PRKN: variants seen among roughly 807,000 people sequenced by gnomAD.
PRKN encodes E3 ubiquitin-protein ligase parkin.
A neutral mutation model predicts 59.5 loss-of-function variants in PRKN; 56 were observed. The ratio of observed to expected loss-of-function variants is 0.94; its 90% CI spans 0.76 to 1.18. The LOEUF is 1.18. Ranked by LOEUF, PRKN falls within the 50% of genes most tolerant of loss-of-function variation. The pLI, the probability that PRKN is intolerant of heterozygous loss-of-function variation, is 0.00. For synonymous variants in PRKN, 250 were observed against 222.1 expected (o/e 1.13, Z -1.12); for missense variants, 657 against 596.4 (o/e 1.10, Z -1.06).
At chr6:162,120,722 C>T (rs1026612155) in intron 4 of PRKN, among the ~76,000 whole-genome samples, 8 of 152,096 alleles carry the variant, frequency 5.3e-5, no homozygotes, top group African/African-American at 1.9e-4. Context: ...CTGGTGTGAG[C>T]GATATTAAAC....
rs1790033889 is a variant in PRKN, at chr6:161,457,703, A to G, written c.1084-70826T>C. On this transcript the variant is annotated intron_variant, in intron 9 of 11. Coordinates refer to ENST00000366898, the MANE Select transcript of PRKN (RefSeq NM_004562.3). This position sits in a 1 kb window ranked among gnomAD's most constrained non-coding sequence, Gnocchi z 5.0. ...AATATGAAAATCTACTGTTAGGTAC[A>G]AACGTGTCTCTAGAGAAGAGACTGG... Among the ~76,000 whole-genome samples, 1 of 152,250 alleles carries G rather than the reference A, an allele frequency of 6.6e-6. No individual in the cohort carries two copies. Among genetic ancestry groups the G allele is most frequent in the Non-Finnish European group, 1.5e-5 (1 of 68,042 alleles).
intron 1 of PRKN, among the ~76,000 whole-genome samples, chr6:162,519,711 A>C (rs1213141457): frequency 6.6e-6 from 1 of 152,128 alleles, no homozygotes; most frequent in Admixed American, 6.6e-5. Context: ...GTCCAAATGC[A>C]TTTATTTTTA....
intron 9 of PRKN, among the ~76,000 whole-genome samples, chr6:161,479,584 CATTAACTTTCTGAGCAT>C (rs1791291994): frequency 6.6e-6 from 1 of 152,194 alleles, no homozygotes; most frequent in Non-Finnish European, 1.5e-5. Context: ...GACGCTGCAA[CATTAACTTTCTGAGCAT>C]ATGCTCTGTC....
intron 3 of PRKN, among the ~76,000 whole-genome samples, chr6:162,246,886 A>C (rs907048112): frequency 6.6e-6 from 1 of 152,182 alleles, no homozygotes; most frequent in Non-Finnish European, 1.5e-5. Context: ...AGGTTCTTAT[A>C]TCTTTATATA....
intron 1 of PRKN, among the ~76,000 whole-genome samples, chr6:162,501,276 C>T (rs113517677): frequency 3.4e-4 from 52 of 151,980 alleles, no homozygotes; most frequent in African/African-American, 1.2e-3. Flanking sequence ...GTAAATATAG[C>T]AGTCTTTTCA....
intron 5 of PRKN, among the ~76,000 whole-genome samples, chr6:161,996,984 G>A (rs1781871893): frequency 6.6e-6 from 1 of 152,036 alleles, no homozygotes; most frequent in South Asian, 2.1e-4. Context: ...CAACTGAAAT[G>A]ACCCATAAAT....
chr6:162,391,587 G>A (rs913928623), intron 2 of PRKN, among the ~76,000 whole-genome samples: 1 of 151,784 alleles, frequency 6.6e-6, no homozygotes, highest in Admixed American at 6.6e-5. Context: ...TGCTTGACGT[G>A]GATTTCGAAC....
At chr6:162,603,234 AAAC>A (rs1290045534) in intron 1 of PRKN, among the ~76,000 whole-genome samples, 5 of 152,176 alleles carry the variant, frequency 3.3e-5, no homozygotes, top group Admixed American at 2.0e-4. Flanking sequence ...AACAACTAAA[AAAC>A]AACAGTCTGC....
rs146267956 is a variant in PRKN at position 161,458,047 on chromosome 6, A to C, written c.1084-71170T>G. ...TCAAAACTCTGGAAAGAAAAATAGAATATCCTAGCTGTTATGGGAATACTT... is the reference window on the plus strand; with the variant it reads ...TCAAAACTCTGGAAAGAAAAATAGACTATCCTAGCTGTTATGGGAATACTT... On this transcript the variant is annotated intron_variant, in intron 9 of 11. Coordinates refer to ENST00000366898, the MANE Select transcript of PRKN (RefSeq NM_004562.3). This position sits in a 1 kb window ranked among gnomAD's most constrained non-coding sequence, Gnocchi z 6.1. Among the ~76,000 whole-genome samples the C allele has an allele frequency of 2.0e-4, 30 of 152,356 alleles. No individual in the cohort carries two copies. The highest frequency in any genetic ancestry group is 7.0e-4 in the African/African-American group (29 of 41,578).
intron 1 of PRKN, among the ~76,000 whole-genome samples, chr6:162,664,908 G>C (rs1034770576): frequency 1.3e-4 from 19 of 151,846 alleles, no homozygotes; most frequent in Non-Finnish European, 4.4e-5. Context: ...TTGTCAATCT[G>C]GCTTTTGTTG....
At chr6:161,782,251 G>A (rs568656676) in intron 7 of PRKN, among the ~76,000 whole-genome samples, 11 of 152,080 alleles carry the variant, frequency 7.2e-5, no homozygotes, top group African/African-American at 2.4e-4. Flanking sequence ...TATCTATATC[G>A]GACTAGGGAG....
At chr6:162,291,693 A>G (rs1781435323) in intron 2 of PRKN, among the ~76,000 whole-genome samples, 1 of 152,188 alleles carries the variant, frequency 6.6e-6, no homozygotes, top group African/African-American at 2.4e-5. Context: ...CCTGGCTTTA[A>G]CAGAGCCCCT....
At chr6:162,285,054 C>A (rs542006021) in intron 2 of PRKN, among the ~76,000 whole-genome samples, 20 of 152,240 alleles carry the variant, frequency 1.3e-4, no homozygotes, top group Admixed American at 1.2e-3. Context: ...ACGGAGAAGA[C>A]ATCTGTAAGC....
At chr6:162,280,371 C>A (rs922153582) in intron 2 of PRKN, among the ~76,000 whole-genome samples, 2 of 152,070 alleles carry the variant, frequency 1.3e-5, no homozygotes, top group Non-Finnish European at 2.9e-5. Flanking sequence ...CACTGGGACA[C>A]AGCTAAGGTA....
rs907064261 is a variant in PRKN, at chr6:161,538,295, G to A, written c.1083+10559C>T. Among the ~76,000 whole-genome samples, 3 of 152,022 alleles carry A rather than the reference G, an allele frequency of 2.0e-5. No individual in the cohort carries two copies. The highest frequency in any genetic ancestry group is 7.3e-5 in the African/African-American group (3 of 41,370). ...CAGGCAAGGGTTATACATTTGACCT[G>A]GGCCTTACCCATGGCCTTGTAGTTA... is the stretch of plus-strand genomic sequence containing the variant. On this transcript the variant is annotated intron_variant, in intron 9 of 11. Coordinates refer to ENST00000366898, the MANE Select transcript of PRKN (RefSeq NM_004562.3). This position sits in a 1 kb window ranked among gnomAD's most constrained non-coding sequence, Gnocchi z 4.2.
intron 1 of PRKN, among the ~76,000 whole-genome samples, chr6:162,510,866 T>G (rs1277400754): frequency 2.0e-5 from 3 of 152,008 alleles, no homozygotes; most frequent in African/African-American, 7.2e-5. Context: ...GAGGTTGCGG[T>G]GAGCCGAGAT....
chr6:162,211,142 A>G (rs1785183237), intron 3 of PRKN, among the ~76,000 whole-genome samples: 1 of 152,142 alleles, frequency 6.6e-6, no homozygotes, highest in Non-Finnish European at 1.5e-5. Flanking sequence ...TGGACTTTAC[A>G]AAATACTGTA....
intron 7 of PRKN, among the ~76,000 whole-genome samples, chr6:161,605,947 C>T (rs977815789): frequency 2.0e-5 from 3 of 152,144 alleles, no homozygotes; most frequent in Admixed American, 1.3e-4. Context: ...TGTGTGCAAA[C>T]ACCCTGAGCC....
rs567390790 is a variant in PRKN, at chr6:161,771,403, C to A, written c.871+14369G>T. ...AAAATAAAATAAAATAAAATAAAAG[C>A]ACTGCTGTGCTTGAGCCACAAGAAA... On this transcript the variant is annotated intron_variant, in intron 7 of 11. Coordinates refer to ENST00000366898, the MANE Select transcript of PRKN (RefSeq NM_004562.3). Among the ~76,000 whole-genome samples, 15 of 146,054 alleles carry A rather than the reference C, an allele frequency of 1.0e-4. No individual in the cohort carries two copies. In the East Asian group the frequency reaches 1.8e-3, roughly 18 times the overall value.
Sources: allele counts gnomAD v4.1 joint callset (sites outside exome capture counted in the v4.1 genomes callset), GRCh38; gene constraint gnomAD v4.1.1; non-coding constraint Gnocchi (gnomAD v3.1); transcripts MANE v1.5; gene names NCBI Gene and HGNC (gene_info 2026-07-23, HGNC 2026-07-21).